Variants in RARA observed in about 807,000 individuals in gnomAD.
RARA encodes the protein PML-DDX5-RARA fusion.
Under a neutral mutation model 42.8 loss-of-function variants are expected in RARA, and 5 were observed. That is an observed-to-expected ratio of 0.12 (90% CI 0.06 to 0.25). RARA has a LOEUF of 0.25. Among genes scored for constraint, RARA ranks in the 10% least tolerant of loss-of-function variants. The pLI is 1.00. For missense variants in RARA, 402 were observed against 628.7 expected (o/e 0.64, Z 3.86); for synonymous variants, 256 against 259.5 (o/e 0.99, Z 0.13).
chr17:40,355,160 G>C lies in RARA; in HGVS notation c.1013-103G>C. On this transcript the variant is annotated intron_variant, in intron 7 of 8. Coordinates refer to ENST00000254066, the MANE Select transcript of RARA (RefSeq NM_000964.4). This position sits in a 1 kb window ranked among gnomAD's most constrained non-coding sequence, Gnocchi z 4.1. ...CTGCCCTGTGTGGGGAGGCGCCTGCGAGCTGCCCTCCTCCATGGCCTGGGC... is the reference window on the plus strand; with the variant it reads ...CTGCCCTGTGTGGGGAGGCGCCTGCCAGCTGCCCTCCTCCATGGCCTGGGC... The C allele has an allele frequency of 1.4e-6, 2 of 1,398,902 alleles. No individual in the cohort carries two copies. The highest frequency in any genetic ancestry group is 9.5e-7 in the Non-Finnish European group (1 of 1,049,714). The allele number at this position is 1,398,902 out of a possible 1,614,324, so 86.7% of individuals were successfully genotyped here. A position where few individuals can be genotyped will look rare whatever the true frequency, so the allele number is the denominator to read the frequency against.
intron 1 of RARA, among the ~76,000 whole-genome samples, chr17:40,317,505 TGA>T (rs1450757188): frequency 1.3e-5 from 2 of 151,844 alleles, no homozygotes; most frequent in Non-Finnish European, 2.9e-5. Context: ...AGCTTGAGTG[TGA>T]GTCTTTGAGC....
intron 1 of RARA, among the ~76,000 whole-genome samples, chr17:40,315,086 T>G (rs2033166297): frequency 7.3e-6 from 1 of 136,830 alleles, no homozygotes; most frequent in Non-Finnish European, 1.5e-5. Flanking sequence ...GAGGGAACAT[T>G]GATTGGGTTA....
intron 2 of RARA, chr17:40,341,781 T>G: frequency 4.7e-6 from 6 of 1,290,002 alleles, no homozygotes; most frequent in Non-Finnish European, 5.9e-6. Flanking sequence ...CACCACGGCT[T>G]CGCTCGGCCA....
rs550692831 is a variant in RARA, at chr17:40,330,892, G to T, written c.-327G>T. On this transcript the variant is annotated 5_prime_UTR_variant, in exon 2 of 9. Coordinates refer to ENST00000254066, the MANE Select transcript of RARA (RefSeq NM_000964.4). ...CATGGCCCCCTCAGCCACCTAGCTG[G>T]GGCCCATCTAGGAGTGGCATCTTTT... 1.9e-5 allele frequency: 6 copies of T among 311,314 alleles called. No individual in the cohort carries two copies. The highest frequency in any genetic ancestry group is 1.3e-4 in the African/African-American group (6 of 47,342). 19.3% of individuals were successfully genotyped at this position (311,314 alleles called of 1,614,324 possible).
At chr17:40,318,709 G>C (rs2033276101) in intron 1 of RARA, among the ~76,000 whole-genome samples, 1 of 152,256 alleles carries the variant, frequency 6.6e-6, no homozygotes, top group South Asian at 2.1e-4. Flanking sequence ...CCCCGCGCTC[G>C]AGCTGTTGCA....
intron 2 of RARA, among the ~76,000 whole-genome samples, chr17:40,335,516 C>G (rs897724701): frequency 6.6e-6 from 1 of 151,864 alleles, no homozygotes; most frequent in African/African-American, 2.4e-5. Context: ...ATGGTGAAAC[C>G]CCATCTCTAC....
intron 3 of RARA, chr17:40,349,247 A>G (rs572941052): frequency 6.3e-5 from 10 of 159,490 alleles, no homozygotes; most frequent in Non-Finnish European, 1.1e-4. Context: ...CTGTATGTGG[A>G]GCCCCTGGCC....
chr17:40,312,257 C>T (rs2033110333), intron 1 of RARA, among the ~76,000 whole-genome samples: 1 of 152,240 alleles, frequency 6.6e-6, no homozygotes, highest in Non-Finnish European at 1.5e-5. Flanking sequence ...CTCCTTTCTC[C>T]TCCTCCCGCA....
rs1037846751 is a variant in RARA at position 40,354,951 on chromosome 17, A to G, written c.1013-312A>G. 2.0e-5 allele frequency among the ~76,000 whole-genome samples: 3 copies of G among 152,176 alleles called. No homozygotes were observed. The highest frequency in any genetic ancestry group is 7.2e-5 in the African/African-American group (3 of 41,426). On this transcript the variant is annotated intron_variant, in intron 7 of 8. Transcript: ENST00000254066. The surrounding 1 kb of genome is among the most constrained non-coding windows in gnomAD (Gnocchi z 4.5). Reference sequence around the variant, plus strand: ...ATTTCTGCCATTTCATCTGGTTTCCAGAATAACAGGGGGGAGTGGGAGCCT... The same window carrying G: ...ATTTCTGCCATTTCATCTGGTTTCCGGAATAACAGGGGGGAGTGGGAGCCT...
chr17:40,341,967 CTCCCCCT>C (rs2034068118), intron 2 of RARA: 1 of 1,131,822 alleles, frequency 8.8e-7, no homozygotes, highest in Admixed American at 4.9e-5. Flanking sequence ...CTCTCCTCTC[CTCCCCCT>C]TCCCAGGCTG....
At chr17:40,341,764 C>A (rs1195833163) in intron 2 of RARA, 1 of 1,287,456 alleles carries the variant, frequency 7.8e-7, no homozygotes, top group Non-Finnish European at 9.8e-7. Flanking sequence ...CGCCCCACCA[C>A]CTCCTCCACC....
chr17:40,329,195 C>A (rs1216839308), intron 1 of RARA, among the ~76,000 whole-genome samples: 1 of 151,672 alleles, frequency 6.6e-6, no homozygotes, highest in Non-Finnish European at 1.5e-5. Context: ...TGCAGTGACA[C>A]AATCTCGGCT....
intron 2 of RARA, among the ~76,000 whole-genome samples, chr17:40,332,234 G>T (rs533142459): frequency 2.6e-5 from 4 of 152,036 alleles, no homozygotes; most frequent in African/African-American, 9.7e-5. Flanking sequence ...CCAGCTGGGC[G>T]CCAGGCCAGG....
intron 2 of RARA, 77 bp from the exon 3 acceptor site, chr17:40,348,239 C>G: frequency 6.9e-7 from 1 of 1,456,210 alleles, no homozygotes; most frequent in Non-Finnish European, 9.1e-7. Flanking sequence ...TTAGGAGGGA[C>G]GGTGAGGCAG....
rs1028409152 is a variant in RARA, at chr17:40,345,820, T to TG, written c.179-2495dup. On this transcript the variant is annotated intron_variant, in intron 2 of 8. Transcript: ENST00000254066. The surrounding 1 kb of genome is among the most constrained non-coding windows in gnomAD (Gnocchi z 4.8). ...GGAGTTATGGCCGTGTCCTAACTCT[T>TG]GCAGAGGCTGTGAGGATTCCGGAGT... Among the ~76,000 whole-genome samples the TG allele has an allele frequency of 1.1e-4, 17 of 152,220 alleles. No homozygotes were observed. The highest frequency in any genetic ancestry group is 4.1e-4 in the African/African-American group (17 of 41,456).
At chr17:40,341,770 C>T in intron 2 of RARA, 1 of 1,290,634 alleles carries the variant, frequency 7.7e-7, no homozygotes, top group Non-Finnish European at 9.8e-7. Flanking sequence ...ACCACCTCCT[C>T]CACCACGGCT....
chr17:40,353,763 G>A (rs2034526819), intron 6 of RARA, among the ~76,000 whole-genome samples: 1 of 152,306 alleles, frequency 6.6e-6, no homozygotes, highest in Admixed American at 6.5e-5. Flanking sequence ...GCGGGTGATG[G>A]GTGGGAGGTT....
intron 2 of RARA, among the ~76,000 whole-genome samples, chr17:40,337,056 G>A (rs925889239): frequency 6.6e-6 from 1 of 152,184 alleles, no homozygotes. Context: ...CATCTATAGA[G>A]CACCTACTGT....
rs750162967 is a variant in RARA, at chr17:40,331,261, C to T, written c.43C>T (p.His15Tyr). The T allele has an allele frequency of 6.2e-7, 1 of 1,613,476 alleles. No individual in the cohort carries two copies. Among genetic ancestry groups the T allele is most frequent in the Non-Finnish European group, 8.5e-7 (1 of 1,179,830 alleles). Reference protein sequence around the residue: ...SSSCPTPGGGHLNGYPVPPYA... With the variant: ...SSSCPTPGGGYLNGYPVPPYA... ...CTCCTGCCCGACACCTGGGGGCGGG[C>T]ACCTCAATGGGTACCCGGTGCCTCC... The change falls in exon 2 of 9, where the codon CAC (histidine) becomes TAC (tyrosine). Residue 15 changes from histidine to tyrosine, a missense_variant. Physicochemically the swap from His to Tyr is moderately conservative, Grantham distance 83. Transcript: ENST00000254066.
Sources: allele counts gnomAD v4.1 joint callset (sites outside exome capture counted in the v4.1 genomes callset), GRCh38; gene constraint gnomAD v4.1.1; non-coding constraint Gnocchi (gnomAD v3.1); transcripts MANE v1.5; gene names NCBI Gene and HGNC (gene_info 2026-07-23, HGNC 2026-07-21).